SHISA9: variants seen among roughly 807,000 people sequenced by gnomAD.
SHISA9 encodes the protein protein shisa-9.
A neutral mutation model predicts 38.0 loss-of-function variants in SHISA9; 13 were observed. That is an observed-to-expected ratio of 0.34 (90% CI 0.22 to 0.54). The LOEUF is 0.54. Among genes scored for constraint, SHISA9 ranks in the 20% least tolerant of loss-of-function variants. SHISA9 has a pLI of 0.91. For synonymous variants in SHISA9, 275 were observed against 242.0 expected, an observed-to-expected ratio of 1.14 and a Z score of -1.27; for missense variants, 538 against 575.8, an observed-to-expected ratio of 0.93 and a Z score of 0.67.
At chr16:13,258,009 C>A in the SHISA9 span, among the ~76,000 whole-genome samples, 6 of 152,110 alleles carry the variant, frequency 3.9e-5, no homozygotes, top group Non-Finnish European at 5.9e-5. Context: ...AGCAAGTGGA[C>A]AATAATTGTG....
intron 2 of SHISA9, among the ~76,000 whole-genome samples, chr16:13,135,458 G>A (rs189370634): frequency 8.5e-5 from 13 of 152,208 alleles, no homozygotes; most frequent in African/African-American, 1.2e-4. Flanking sequence ...CACTGAATGC[G>A]GCATATATAC....
chr16:12,951,626 A>C (rs1489144554), intron 2 of SHISA9, among the ~76,000 whole-genome samples: 1 of 152,156 alleles, frequency 6.6e-6, no homozygotes, highest in East Asian at 1.9e-4. Flanking sequence ...TTGGCTGGGG[A>C]TGGCGGTGGG....
At chr16:12,961,501 C>T (rs973589372) in intron 2 of SHISA9, among the ~76,000 whole-genome samples, 1 of 152,138 alleles carries the variant, frequency 6.6e-6, no homozygotes, top group African/African-American at 2.4e-5. Flanking sequence ...ATTACCTCCT[C>T]ACAATGGCAC....
intron 2 of SHISA9, among the ~76,000 whole-genome samples, chr16:12,970,404 C>CATATATATACACATATATGT (rs2072051590): frequency 2.6e-4 from 3 of 11,724 alleles, no homozygotes; most frequent in Non-Finnish European, 4.0e-4. Context: ...TATATATATA[C>CATATATATACACATATATGT]ATATATATAT....
intron 2 of SHISA9, among the ~76,000 whole-genome samples, chr16:12,935,493 C>T (rs892514809): frequency 6.6e-6 from 1 of 152,038 alleles, no homozygotes; most frequent in African/African-American, 2.4e-5. Context: ...GGAATGTCTC[C>T]AGCAAAAATG....
intron 2 of SHISA9, among the ~76,000 whole-genome samples, chr16:13,030,290 G>T (rs1005435883): frequency 1.3e-5 from 2 of 152,118 alleles, no homozygotes; most frequent in Non-Finnish European, 2.9e-5. Flanking sequence ...TGTAGGTGAG[G>T]TGAAGTGCTT....
chr16:12,959,993 A>G (rs2071887972), intron 2 of SHISA9, among the ~76,000 whole-genome samples: 1 of 152,244 alleles, frequency 6.6e-6, no homozygotes, highest in South Asian at 2.1e-4. Context: ...AATAGGAATT[A>G]TGTCTTCTAA....
At chr16:13,051,036 G>A (rs536861968) in intron 2 of SHISA9, among the ~76,000 whole-genome samples, 9 of 152,332 alleles carry the variant, frequency 5.9e-5, no homozygotes, top group East Asian at 1.9e-4. Flanking sequence ...TTATCTCAGA[G>A]GGCAGAGGTG....
At chr16:13,200,834 T>G (rs543378974) in intron 2 of SHISA9, among the ~76,000 whole-genome samples, 1 of 135,448 alleles carries the variant, frequency 7.4e-6, no homozygotes, top group East Asian at 2.0e-4. Context: ...GCAGGTAAAG[T>G]GATAAAAATA....
At chr16:13,103,329 CT>C (rs1471002628) in intron 2 of SHISA9, among the ~76,000 whole-genome samples, 1 of 152,216 alleles carries the variant, frequency 6.6e-6, no homozygotes, top group African/African-American at 2.4e-5. Context: ...ATTTATCTTT[CT>C]CCAGCAAGCC....
the SHISA9 span, among the ~76,000 whole-genome samples, chr16:13,407,968 A>C: frequency 6.6e-6 from 1 of 152,182 alleles, no homozygotes; most frequent in Non-Finnish European, 1.5e-5. Context: ...TAGATGTCTT[A>C]TTATATGAGA....
At chr16:13,060,641 A>T (rs963638029) in intron 2 of SHISA9, among the ~76,000 whole-genome samples, 5 of 149,584 alleles carry the variant, frequency 3.3e-5, no homozygotes, top group Non-Finnish European at 5.9e-5. Flanking sequence ...CCATCTCAAA[A>T]AAAAAAAAAA....
chr16:13,347,089 G>A, the SHISA9 span, among the ~76,000 whole-genome samples: 1 of 152,144 alleles, frequency 6.6e-6, no homozygotes, highest in African/African-American at 2.4e-5. Flanking sequence ...TGCTTATGTA[G>A]TTTCTTTTTA....
the SHISA9 span, among the ~76,000 whole-genome samples, chr16:13,520,697 A>G: frequency 6.6e-6 from 1 of 151,630 alleles, no homozygotes; most frequent in Admixed American, 6.6e-5. Context: ...AGAAAAGCCA[A>G]GGAGAAGAGT....
intron 2 of SHISA9, among the ~76,000 whole-genome samples, chr16:13,116,559 A>G (rs2074032644): frequency 1.3e-5 from 2 of 152,166 alleles, no homozygotes; most frequent in Admixed American, 1.3e-4. Context: ...GCTAGTTGCT[A>G]TGTTCTGTGA....
At chr16:12,916,904 T>G (rs1224461128) in intron 2 of SHISA9, 89 bp downstream of exon 2, 2 of 1,426,202 alleles carry the variant, frequency 1.4e-6, no homozygotes, top group African/African-American at 1.4e-5. Context: ...GTGCTTGGGT[T>G]AGTTAAGAGC....
chr16:13,101,871 A>G (rs987071304), intron 2 of SHISA9, among the ~76,000 whole-genome samples: 1 of 152,230 alleles, frequency 6.6e-6, no homozygotes, highest in Non-Finnish European at 1.5e-5. Flanking sequence ...TTAAAACTAA[A>G]TAAATAAATA....
At chr16:13,081,050 C>A (rs1045947626) in intron 2 of SHISA9, among the ~76,000 whole-genome samples, 1 of 152,220 alleles carries the variant, frequency 6.6e-6, no homozygotes, top group Non-Finnish European at 1.5e-5. Context: ...CTCCAAATAC[C>A]ATCACATTGG....
chr16:13,157,794 C>A (rs1023194482), intron 2 of SHISA9, among the ~76,000 whole-genome samples: 1 of 152,180 alleles, frequency 6.6e-6, no homozygotes, highest in Non-Finnish European at 1.5e-5. Context: ...CGGAGGCATT[C>A]ATTCATTCCC....
Sources: gnomAD v4.1 joint callset for allele counts (sites outside exome capture counted in the v4.1 genomes callset) on GRCh38, gnomAD v4.1.1 for gene constraint, MANE v1.5 for transcripts, NCBI Gene and HGNC (gene_info 2026-07-23, HGNC 2026-07-21) for gene names.